RPS24: variants seen among roughly 807,000 people sequenced by gnomAD.
RPS24 encodes small ribosomal subunit protein eS24.
For missense variants in RPS24, 100 were observed against 162.5 expected (o/e 0.62, Z 2.09); for synonymous variants, 72 against 55.6 (o/e 1.30, Z -1.31).
chr10:78,040,175 T>C (rs1847962456), intron 4 of RPS24, 29 bp from the exon 5 acceptor site: 2 of 1,609,730 alleles, frequency 1.2e-6, no homozygotes, highest in Non-Finnish European at 1.7e-6. Context: ...CCCTCCTTTC[T>C]CTTTTTCCCT....
intron 4 of RPS24, among the ~76,000 whole-genome samples, chr10:78,050,985 G>A (rs900450146): frequency 4.0e-5 from 6 of 151,778 alleles, no homozygotes; most frequent in Non-Finnish European, 7.4e-5. Flanking sequence ...GAGGTCAGGC[G>A]TTCGAGACCA....
chr10:78,043,921 ATAG>A (rs1848014516), downstream of RPS24, among the ~76,000 whole-genome samples: 1 of 151,972 alleles, frequency 6.6e-6, no homozygotes, highest in Non-Finnish European at 1.5e-5. Context: ...CAGAAGGTCA[ATAG>A]TAGCCTAACA....
intron 4 of RPS24, among the ~76,000 whole-genome samples, chr10:78,047,620 G>A (rs536956012): frequency 3.9e-5 from 6 of 152,144 alleles, no homozygotes; most frequent in African/African-American, 1.4e-4. Flanking sequence ...TTGTTTATAG[G>A]ATTCGGCCCT....
intron 4 of RPS24, among the ~76,000 whole-genome samples, chr10:78,051,705 C>T (rs367904787): frequency 6.6e-6 from 1 of 152,214 alleles, no homozygotes; most frequent in South Asian, 2.1e-4. Flanking sequence ...TCTAATTTCT[C>T]CACATCCTTC....
rs1847896662 is a variant in RPS24 at position 78,037,435 on chromosome 10, A to G, written c.390+131A>G. On this transcript the variant is annotated intron_variant, in intron 4 of 5. Transcript: ENST00000372360. ...CTTCTTTTCCCTCTTCTTCTGGATT[A>G]CAGAAGGTAACATGTTTTAAGAAAC... The G allele has an allele frequency of 5.1e-6, 7 of 1,377,288 alleles. No individual in the cohort carries two copies. The South Asian group carries it at 7.4e-5, about 15-fold the overall frequency. 85.3% of individuals were successfully genotyped at this position (1,377,288 alleles called of 1,614,324 possible). A position where few individuals can be genotyped will look rare whatever the true frequency, so the allele number is the denominator to read the frequency against.
At chr10:78,052,880 A>C (rs1340976291) in intron 4 of RPS24, among the ~76,000 whole-genome samples, 1 of 152,170 alleles carries the variant, frequency 6.6e-6, no homozygotes, top group African/African-American at 2.4e-5. Flanking sequence ...AGCCGGGCGC[A>C]GTGGCTCATG....
exon 5 of RPS24, chr10:78,054,923 C>T: frequency 6.6e-7 from 1 of 1,519,784 alleles, no homozygotes; most frequent in Admixed American, 2.1e-5. Context: ...TCCAGGCCAT[C>T]AACAAGTCTT....
chr10:78,035,045 A>G (rs368135392), intron 1 of RPS24, among the ~76,000 whole-genome samples: 231 of 152,340 alleles, frequency 1.5e-3, no homozygotes, highest in African/African-American at 5.5e-3. Context: ...CAACATATCC[A>G]TATGGAATTA....
downstream of RPS24, among the ~76,000 whole-genome samples, chr10:78,044,265 A>T (rs970043077): frequency 1.3e-5 from 2 of 152,144 alleles, no homozygotes; most frequent in African/African-American, 4.8e-5. Context: ...ATTTGAGGCC[A>T]TGAAAAATAG....
At chr10:78,044,888 T>G (rs1848027512), downstream of RPS24, among the ~76,000 whole-genome samples, 1 of 151,780 alleles carries the variant, frequency 6.6e-6, no homozygotes, top group Non-Finnish European at 1.5e-5. Flanking sequence ...GCCGAGTTCC[T>G]CCACACAGGA....
rs572220384 is a variant in RPS24 at position 78,038,136 on chromosome 10, C to CA, written c.390+837dup. On this transcript the variant is annotated intron_variant, in intron 4 of 5. Coordinates refer to ENST00000372360, the MANE Select transcript of RPS24 (RefSeq NM_033022.4). ...GCTGGTGCAAAAGTAATTGCAGTGG[C>CA]AAAAACCACAATTACTTTTGCACCA... 6.1e-5 allele frequency: 20 copies of CA among 327,452 alleles called. No individual in the cohort carries two copies. The East Asian group carries it at 1.7e-3, about 28-fold the overall frequency. 20.3% of individuals were successfully genotyped at this position (327,452 alleles called of 1,614,324 possible).
chr10:78,039,866 C>A (rs1205330134), intron 4 of RPS24: 1 of 394,454 alleles, frequency 2.5e-6, no homozygotes, highest in Non-Finnish European at 4.8e-6. Flanking sequence ...CTGGGCAGAG[C>A]AGAGGGGCAG....
At chr10:78,035,455 T>G in intron 2 of RPS24, 38 bp downstream of exon 2, 3 of 1,613,238 alleles carry the variant, frequency 1.9e-6, no homozygotes. Context: ...TAATTGTCCT[T>G]TACTCTAAAG....
At chr10:78,050,946 T>G (rs569765597) in intron 4 of RPS24, among the ~76,000 whole-genome samples, 33 of 152,310 alleles carry the variant, frequency 2.2e-4, no homozygotes, top group African/African-American at 6.7e-4. Context: ...ATCCCTGCAC[T>G]TTGGGAGGCT....
intron 4 of RPS24, chr10:78,037,983 G>A (rs924877545): frequency 2.3e-5 from 30 of 1,287,854 alleles, no homozygotes; most frequent in Non-Finnish European, 3.1e-5. Flanking sequence ...TGTCTAGCAG[G>A]TACTGAGATT....
At chr10:78,044,197 G>GT (rs140262766), downstream of RPS24, among the ~76,000 whole-genome samples, 4 of 152,286 alleles carry the variant, frequency 2.6e-5, no homozygotes, top group East Asian at 3.9e-4. Flanking sequence ...GAGGATTACT[G>GT]TAACACCAGC....
At chr10:78,035,041 A>G (rs2060143347) in intron 1 of RPS24, among the ~76,000 whole-genome samples, 1 of 152,178 alleles carries the variant, frequency 6.6e-6, no homozygotes, top group Admixed American at 6.5e-5. Context: ...CCCACAACAT[A>G]TCCATATGGA....
chr10:78,053,577 G>A (rs1848121885), intron 4 of RPS24, among the ~76,000 whole-genome samples: 2 of 152,128 alleles, frequency 1.3e-5, no homozygotes, highest in African/African-American at 2.4e-5. Context: ...TGGGTGGAAG[G>A]TGAGGGAAGG....
At chr10:78,055,562 G>C (rs1848142618) in exon 5 of RPS24, 1 of 152,524 alleles carries the variant, frequency 6.6e-6, no homozygotes, top group Non-Finnish European at 1.5e-5. Context: ...AGGTGATGGT[G>C]GTTCTTGGGG....
Sources: allele counts gnomAD v4.1 joint callset (sites outside exome capture counted in the v4.1 genomes callset), GRCh38; gene constraint gnomAD v4.1.1; transcripts MANE v1.5; gene names NCBI Gene and HGNC (gene_info 2026-07-23, HGNC 2026-07-21).